CCDC150: variants seen among roughly 807,000 people sequenced by gnomAD.
CCDC150 encodes the protein coiled-coil domain containing 150.
In CCDC150, 151 loss-of-function variants were observed where a neutral mutation model predicts 156.5. The ratio of observed to expected loss-of-function variants is 0.97; its 90% CI spans 0.85 to 1.10. CCDC150 has a LOEUF of 1.10. Among genes scored for constraint, CCDC150 ranks in the 50% least tolerant of loss-of-function variants. The pLI is 0.00. For missense variants in CCDC150, 1,312 were observed against 1,268.1 expected, an observed-to-expected ratio of 1.03 and a Z score of -0.53; for synonymous variants, 452 against 429.4, an observed-to-expected ratio of 1.05 and a Z score of -0.65.
chr2:196,654,481 C>T (rs1693071897), intron 2 of CCDC150, among the ~76,000 whole-genome samples: 1 of 151,636 alleles, frequency 6.6e-6, no homozygotes, highest in Admixed American at 6.6e-5. Flanking sequence ...TTTTCAGTTA[C>T]CTGTCATCAG....
At chr2:196,712,369 G>A in intron 16 of CCDC150, 117 bp downstream of exon 16, 1 of 621,258 alleles carries the variant, frequency 1.6e-6, no homozygotes, top group East Asian at 2.8e-5. Flanking sequence ...GCTGTCACTT[G>A]ACTCAGTTTA....
chr2:196,687,251 C>G (rs1209449360), intron 13 of CCDC150, among the ~76,000 whole-genome samples: 1 of 152,174 alleles, frequency 6.6e-6, no homozygotes, highest in Non-Finnish European at 1.5e-5. Context: ...GTTCCTTTTT[C>G]TCCACAACCT....
At chr2:196,722,481 G>T (rs1665589717) in intron 21 of CCDC150, among the ~76,000 whole-genome samples, 2 of 150,774 alleles carry the variant, frequency 1.3e-5, no homozygotes, top group South Asian at 4.2e-4. Flanking sequence ...TCTCCATGTT[G>T]CCCAGGGTGG....
intron 13 of CCDC150, among the ~76,000 whole-genome samples, chr2:196,682,401 C>CT (rs67136449): frequency 6.0e-5 from 9 of 148,834 alleles, no homozygotes; most frequent in South Asian, 2.1e-4. Context: ...AATCTTCCAA[C>CT]TTTTTTTTTT....
chr2:196,721,804 C>T, intron 21 of CCDC150, 113 bp downstream of exon 21: 1 of 857,972 alleles, frequency 1.2e-6, no homozygotes, highest in Admixed American at 3.2e-5. Context: ...TCCTACTTTG[C>T]CCTAGTACTT....
Position 196,726,052 on chromosome 2 carries a change from A to C in CCDC150, c.2509A>C (p.Thr837Pro). Residue 837 changes from threonine (T) to proline (P), a missense_variant, in exon 22 of 28, where the codon ACC (threonine) becomes CCC (proline). Transcript: ENST00000389175. Reference protein sequence around the residue: ...RIEALRKQFQTERETTKKVAQ... With the variant: ...RIEALRKQFQPERETTKKVAQ... ...AGAAGCTCTAAGAAAGCAGTTTCAAACCGAGAGAGAAACTACAAAGAAAGT... is the reference window on the plus strand; with the variant it reads ...AGAAGCTCTAAGAAAGCAGTTTCAACCCGAGAGAGAAACTACAAAGAAAGT... The C allele has an allele frequency of 6.2e-7, 1 of 1,612,734 alleles. No individual in the cohort carries two copies. The highest frequency in any genetic ancestry group is 8.5e-7 in the Non-Finnish European group (1 of 1,179,342).
At chr2:196,732,277 C>A in intron 27 of CCDC150, 125 bp downstream of exon 27, 4 of 1,220,658 alleles carry the variant, frequency 3.3e-6, no homozygotes, top group South Asian at 2.9e-5. Flanking sequence ...TAGACTAATG[C>A]TAGGAAACCA....
intron 2 of CCDC150, among the ~76,000 whole-genome samples, chr2:196,647,738 A>G (rs1336190917): frequency 6.6e-6 from 1 of 152,194 alleles, no homozygotes; most frequent in Non-Finnish European, 1.5e-5. Flanking sequence ...CACCTCACAT[A>G]CTTATTTCCT....
intron 14 of CCDC150, among the ~76,000 whole-genome samples, chr2:196,698,797 G>A (rs1695985372): frequency 6.6e-6 from 1 of 152,056 alleles, no homozygotes; most frequent in South Asian, 2.1e-4. Flanking sequence ...CCATTAACTC[G>A]TCGTTTAACA....
chr2:196,711,841 A>G (rs1019021474), intron 15 of CCDC150, among the ~76,000 whole-genome samples: 6 of 152,088 alleles, frequency 3.9e-5, no homozygotes, highest in African/African-American at 1.4e-4. Flanking sequence ...TTTTTGAATT[A>G]CATTAGCCAC....
intron 17 of CCDC150, among the ~76,000 whole-genome samples, chr2:196,716,707 C>T (rs187947747): frequency 3.5e-4 from 53 of 152,048 alleles, no homozygotes; most frequent in African/African-American, 1.1e-3. Context: ...AAGTCTTATA[C>T]GTATGTGAAA....
rs752613434 is a variant in CCDC150, at chr2:196,676,578, C to T, written c.1287C>T (p.Asn429=). 3 of 1,613,350 alleles carry T rather than the reference C, an allele frequency of 1.9e-6. No homozygotes were observed. The highest frequency in any genetic ancestry group is 1.1e-5 in the South Asian group (1 of 90,966). The change falls in exon 12 of 28, where the codon AAC becomes AAT. Residue 429 remains asparagine (N), a synonymous_variant. Transcript: ENST00000389175. The part of the protein sequence containing the change: ...AHLDHLILEH[N]QCIQKAQDAE... The stretch of plus-strand genomic sequence containing the variant: ...GGGATCATTTAATCCTTGAGCATAA[C>T]CAGTGTATCCAGAAAGCACAGGATG...
intron 9 of CCDC150, 141 bp downstream of exon 9, chr2:196,672,578 A>G (rs1694267501): frequency 4.1e-6 from 2 of 490,690 alleles, no homozygotes; most frequent in African/African-American, 2.0e-5. Flanking sequence ...GATTTATTTC[A>G]TCTTTGAAAC....
intron 13 of CCDC150, among the ~76,000 whole-genome samples, chr2:196,683,443 A>G (rs1694958208): frequency 6.6e-6 from 1 of 151,976 alleles, no homozygotes; most frequent in African/African-American, 2.4e-5. Context: ...TTGCATCTAT[A>G]TTCATAAGGG....
intron 27 of CCDC150, 39 bp from the exon 28 acceptor site, chr2:196,732,407 T>A: frequency 6.9e-7 from 1 of 1,448,922 alleles, no homozygotes; most frequent in Non-Finnish European, 9.7e-7. Flanking sequence ...TGCAGTTAGC[T>A]CTGAACAGTC....
chr2:196,668,960 C>A (rs1694027156), intron 7 of CCDC150, among the ~76,000 whole-genome samples: 1 of 152,056 alleles, frequency 6.6e-6, no homozygotes, highest in Non-Finnish European at 1.5e-5. Context: ...TTTATGATTT[C>A]TGGCTTTAGA....
chr2:196,731,958 A>G, intron 26 of CCDC150, 75 bp from the exon 27 acceptor site: 3 of 1,446,552 alleles, frequency 2.1e-6, no homozygotes, highest in Non-Finnish European at 2.8e-6. Context: ...TAAGTAAAAA[A>G]TCTCTGCAAC....
At chr2:196,729,434 G>A in intron 23 of CCDC150, 47 bp downstream of exon 23, 1 of 1,566,260 alleles carries the variant, frequency 6.4e-7, no homozygotes, top group Non-Finnish European at 8.8e-7. Flanking sequence ...CTGTGAGGAT[G>A]TAGTCAGTCA....
Position 196,718,554 on chromosome 2 carries a change from T to C in CCDC150, c.1918T>C (p.Cys640Arg), listed in dbSNP as rs750814796. 6.2e-7 allele frequency: 1 copy of C among 1,613,790 alleles called. No individual in the cohort carries two copies. Among genetic ancestry groups the C allele is most frequent in the East Asian group, 2.2e-5 (1 of 44,872 alleles). Residue 640 changes from cysteine to arginine, a missense_variant, in exon 18 of 28, where the codon TGT becomes CGT. Cys to Arg is a radical substitution (Grantham distance 180). Transcript: ENST00000389175. ...SKEELSRTVK[C>R]RNAALKESQK... is the part of the protein sequence containing the mutation. ...AGAGGAGCTGTCCCGAACAGTGAAG[T>C]GTCGTAATGCGGCCCTGAAAGAGAG...
Sources: gnomAD v4.1 joint callset for allele counts (sites outside exome capture counted in the v4.1 genomes callset) on GRCh38, gnomAD v4.1.1 for gene constraint, MANE v1.5 for transcripts, NCBI Gene and HGNC (gene_info 2026-07-23, HGNC 2026-07-21) for gene names.